ARID1B: variants seen among roughly 807,000 people sequenced by gnomAD.
The protein encoded by ARID1B is AT-rich interaction domain 1B.
A neutral mutation model predicts 212.3 loss-of-function variants in ARID1B; 30 were observed. The observed-to-expected ratio is 0.14, with a 90% CI of 0.11 to 0.19. The LOEUF (loss-of-function observed/expected upper bound fraction) is 0.19. Ranked by LOEUF, ARID1B falls within the 10% of genes least tolerant of loss-of-function variation. ARID1B has a pLI of 1.00. For synonymous variants in ARID1B, 1,402 were observed against 1,301.7 expected (o/e 1.08, Z -1.66); for missense variants, 2,891 against 3,204.0 (o/e 0.90, Z 2.36).
intron 1 of ARID1B, among the ~76,000 whole-genome samples, chr6:156,824,253 G>C (rs770621930): frequency 6.6e-6 from 1 of 152,210 alleles, no homozygotes; most frequent in Non-Finnish European, 1.5e-5. Flanking sequence ...TTTGAAAATG[G>C]TGGTGTATAT....
intron 2 of ARID1B, among the ~76,000 whole-genome samples, chr6:156,877,907 G>A (rs1283689437): frequency 6.6e-6 from 1 of 151,790 alleles, no homozygotes; most frequent in African/African-American, 2.4e-5. Flanking sequence ...GTAGAGACAC[G>A]GTTTTGCCAT....
chr6:157,165,872 A>G (rs554443425), intron 8 of ARID1B: 1 of 152,330 alleles, frequency 6.6e-6, no homozygotes, highest in Non-Finnish European at 1.5e-5. Context: ...AAATAAAAAA[A>G]TAAGATTTAT....
At chr6:156,854,436 A>G (rs565251188) in intron 2 of ARID1B, among the ~76,000 whole-genome samples, 2 of 152,328 alleles carry the variant, frequency 1.3e-5, no homozygotes, top group African/African-American at 4.8e-5. Flanking sequence ...TGGGGCTGTG[A>G]AGCAGGGGTA....
At chr6:157,054,577 A>G (rs1014369296) in intron 4 of ARID1B, among the ~76,000 whole-genome samples, 1 of 152,096 alleles carries the variant, frequency 6.6e-6, no homozygotes, top group Admixed American at 6.5e-5. Flanking sequence ...AACCACCTAG[A>G]CCTCACATCT....
Position 157,123,180 on chromosome 6 carries a change from T to TTCTCTG in ARID1B, c.2582-9830_2582-9825dup, listed in dbSNP as rs66476170. Among the ~76,000 whole-genome samples, 200 of 146,484 alleles carry TTCTCTG rather than the reference T, an allele frequency of 1.4e-3. 1 individual carries two copies. Among genetic ancestry groups the TTCTCTG allele is most frequent in the Non-Finnish European group, 1.6e-3 (108 of 66,898 alleles). ...ATACTCGATGGGGATTTTGAGATCT[T>TTCTCTG]TCTCTGTCTCTGTCTCTGTCTCTCT... On this transcript the variant is annotated intron_variant, in intron 6 of 19. Transcript: ENST00000636930.
chr6:157,065,644 T>A (rs1305526715), intron 4 of ARID1B, among the ~76,000 whole-genome samples: 2 of 152,170 alleles, frequency 1.3e-5, no homozygotes, highest in Non-Finnish European at 2.9e-5. Flanking sequence ...CCATAGAAAC[T>A]TCCGTTTCAG....
At chr6:157,039,436 T>C (rs1389534520) in intron 4 of ARID1B, among the ~76,000 whole-genome samples, 1 of 148,832 alleles carries the variant, frequency 6.7e-6, no homozygotes, top group Admixed American at 6.7e-5. Context: ...GTTCACGCCA[T>C]TCTCCTGCCT....
rs1794277449 is a variant in ARID1B at position 157,203,897 on chromosome 6, C to T, written c.5295C>T (p.Ser1765=). ...VTPEAWRVMM[S]LKSGLLAEST... is the part of the protein sequence containing the mutation. ...CTGAGGCGTGGCGTGTGATGATGTC[C>T]CTTAAATCAGGTCTTTTGGCTGAGA... The change falls in exon 19 of 20, where the codon TCC becomes TCT. Residue 1765 remains serine, a synonymous_variant. Coordinates refer to ENST00000636930, the MANE Select transcript of ARID1B (RefSeq NM_001374828.1). This position sits in a 1 kb window ranked among gnomAD's most constrained non-coding sequence, Gnocchi z 4.4. 6.2e-7 allele frequency: 1 copy of T among 1,614,138 alleles called. No homozygotes were observed. The highest frequency in any genetic ancestry group is 1.1e-5 in the South Asian group (1 of 91,074).
At chr6:157,197,926 G>T (rs184690601) in intron 16 of ARID1B, among the ~76,000 whole-genome samples, 1 of 152,062 alleles carries the variant, frequency 6.6e-6, no homozygotes, top group Non-Finnish European at 1.5e-5. Context: ...AAAAGTTCCC[G>T]TGTCTGTTTC....
At position 157,184,483 on chromosome 6, in the gene ARID1B, G is replaced by C. The variant is rs975184016; in HGVS notation, c.3919+48G>C. The C allele has an allele frequency of 1.9e-6, 3 of 1,604,672 alleles. No homozygotes were observed. The African/African-American group carries it at 4.0e-5, about 21-fold the overall frequency. On this transcript the variant is annotated intron_variant, in intron 13 of 19. Transcript: ENST00000636930. Reference sequence around the variant, plus strand: ...CTGGCCCAGGAAAGCCCAGGCGCCTGGCCTGGGAGGTTCCGGGAAGGTGGT... The same window carrying C: ...CTGGCCCAGGAAAGCCCAGGCGCCTCGCCTGGGAGGTTCCGGGAAGGTGGT...
chr6:157,111,599 T>C (rs920899922), intron 6 of ARID1B, among the ~76,000 whole-genome samples: 8 of 152,162 alleles, frequency 5.3e-5, no homozygotes, highest in Admixed American at 4.6e-4. Context: ...GTTGTAGAGA[T>C]GATGATTTGC....
intron 4 of ARID1B, among the ~76,000 whole-genome samples, chr6:157,074,409 G>C (rs1243341783): frequency 6.6e-6 from 1 of 152,118 alleles, no homozygotes; most frequent in Admixed American, 6.5e-5. Context: ...ATTTTTAGTA[G>C]AGATGGGGTT....
chr6:157,181,452 G>A (rs1460845541), intron 12 of ARID1B, among the ~76,000 whole-genome samples: 3 of 152,108 alleles, frequency 2.0e-5, no homozygotes, highest in East Asian at 1.9e-4. Flanking sequence ...TTTCCTGTAG[G>A]TTTTCTTACA....
At chr6:156,861,867 C>T (rs1384315963) in intron 2 of ARID1B, among the ~76,000 whole-genome samples, 1 of 152,016 alleles carries the variant, frequency 6.6e-6, no homozygotes, top group African/African-American at 2.4e-5. Context: ...AGGGAGTGAC[C>T]CTGTAGACCT....
chr6:156,988,275 A>G (rs60793396), intron 4 of ARID1B, among the ~76,000 whole-genome samples: 115 of 152,270 alleles, frequency 7.6e-4, no homozygotes, highest in African/African-American at 2.6e-3. Flanking sequence ...TGGGCCAGTG[A>G]CTTAATTTAC....
At chr6:157,003,496 A>G (rs551599250) in intron 4 of ARID1B, among the ~76,000 whole-genome samples, 1 of 152,350 alleles carries the variant, frequency 6.6e-6, no homozygotes, top group Non-Finnish European at 1.5e-5. Context: ...AAGAAGATCC[A>G]CAGGCCTTGT....
intron 2 of ARID1B, among the ~76,000 whole-genome samples, chr6:156,895,202 T>C (rs75378459): frequency 6.6e-6 from 1 of 152,258 alleles, no homozygotes; most frequent in African/African-American, 2.4e-5. Context: ...TTCTGTGTGA[T>C]ATTCTATAGA....
chr6:156,842,830 T>A (rs1365293464), intron 2 of ARID1B, among the ~76,000 whole-genome samples: 2 of 152,346 alleles, frequency 1.3e-5, no homozygotes, highest in East Asian at 3.9e-4. Context: ...GCCAAATCCA[T>A]GAGGTAAGTA....
Position 157,039,322 on chromosome 6 carries a change from CT to C in ARID1B, c.2248-45321del, listed in dbSNP as rs1003131791. On this transcript the variant is annotated intron_variant, in intron 4 of 19. Transcript: ENST00000636930. ...ATTAAAAATGGGAAATTTGACATTT[CT>C]TTTTTTTTTTTTTTTTTTGAGACGG... Among the ~76,000 whole-genome samples, 268 of 102,950 alleles carry C rather than the reference CT, an allele frequency of 2.6e-3. 6 individuals carry two copies. Among genetic ancestry groups the C allele is most frequent in the African/African-American group, 7.4e-3 (183 of 24,714 alleles). 67.5% of individuals were successfully genotyped at this position (102,950 alleles called of 152,430 possible). A position where few individuals can be genotyped will look rare whatever the true frequency, so the allele number is the denominator to read the frequency against.
Sources: gnomAD v4.1 joint callset for allele counts (sites outside exome capture counted in the v4.1 genomes callset) on GRCh38, gnomAD v4.1.1 for gene constraint, Gnocchi (gnomAD v3.1) non-coding constraint, MANE v1.5 for transcripts, NCBI Gene and HGNC (gene_info 2026-07-23, HGNC 2026-07-21) for gene names.